Variants in PLCB3 observed in about 807,000 individuals in gnomAD.
PLCB3 encodes phospholipase C beta 3.
In PLCB3, 54 loss-of-function variants were observed where a neutral mutation model predicts 152.1. The observed-to-expected ratio is 0.36, with a 90% CI of 0.29 to 0.45. PLCB3 has a LOEUF of 0.45. Ranked by LOEUF, PLCB3 falls within the 20% of genes least tolerant of loss-of-function variation. PLCB3 has a pLI of 1.00. For synonymous variants in PLCB3, 717 were observed against 698.7 expected (o/e 1.03, Z -0.41); for missense variants, 1,248 against 1,687.5 (o/e 0.74, Z 4.56).
rs749711076 is a variant in PLCB3 at position 64,265,512 on chromosome 11, T to G, written c.3035+10T>G. 32 of 1,590,158 alleles carry G rather than the reference T, an allele frequency of 2.0e-5. No individual in the cohort carries two copies. Among genetic ancestry groups the G allele is most frequent in the Non-Finnish European group, 8.5e-7 (1 of 1,173,482 alleles). The stretch of plus-strand genomic sequence containing the variant: ...TGCGGCCAGGTGCCCTGTGAGTGTC[T>G]GGGCCGCCTGTGTGCTATGTGTGCT... On this transcript the variant is annotated intron_variant, in intron 25 of 30. Transcript: ENST00000279230.
chr11:64,261,177 C>A (rs958221643), intron 14 of PLCB3, among the ~76,000 whole-genome samples: 2 of 151,960 alleles, frequency 1.3e-5, no homozygotes, highest in Non-Finnish European at 2.9e-5. Flanking sequence ...AGGTGGCGGG[C>A]GCCTGTAATC....
intron 17 of PLCB3, among the ~76,000 whole-genome samples, 163 bp from the exon 18 acceptor site, chr11:64,262,244 C>T (rs940290471): frequency 5.9e-5 from 9 of 152,184 alleles, no homozygotes; most frequent in African/African-American, 1.9e-4. Context: ...TGATACCAGA[C>T]CCCTCCCCTG....
At chr11:64,263,325 G>C in intron 19 of PLCB3, 173 bp from the exon 20 acceptor site, 1 of 591,576 alleles carries the variant, frequency 1.7e-6, no homozygotes, top group East Asian at 2.8e-5. Flanking sequence ...CATTAGGCCA[G>C]GACATGGAAG....
rs1413282858 is a variant in PLCB3 at position 64,266,646 on chromosome 11, A to G, written c.3414+94A>G. 4.0e-6 allele frequency: 5 copies of G among 1,246,460 alleles called. No homozygotes were observed. Among genetic ancestry groups the G allele is most frequent in the Non-Finnish European group, 4.7e-6 (4 of 851,908 alleles). 77.2% of individuals were successfully genotyped at this position (1,246,460 alleles called of 1,614,324 possible). On this transcript the variant is annotated intron_variant, in intron 29 of 30. Coordinates refer to ENST00000279230, the MANE Select transcript of PLCB3 (RefSeq NM_000932.5). This position sits in a 1 kb window ranked among gnomAD's most constrained non-coding sequence, Gnocchi z 4.9. ...CCTGGCCTGGTGCCACGTTGCCCTCAAGGTTCTTCTAGGGCCTTTCTCAAG... is the reference window on the plus strand; with the variant it reads ...CCTGGCCTGGTGCCACGTTGCCCTCGAGGTTCTTCTAGGGCCTTTCTCAAG...
intron 16 of PLCB3, 39 bp from the exon 17 acceptor site, chr11:64,261,913 G>A: frequency 6.2e-7 from 1 of 1,612,390 alleles, no homozygotes; most frequent in East Asian, 2.2e-5. Context: ...TGATGGGGTG[G>A]GCCCTGGCAC....
intron 21 of PLCB3, 83 bp from the exon 22 acceptor site, chr11:64,263,938 A>T (rs2135062321): frequency 8.2e-7 from 1 of 1,222,342 alleles, no homozygotes; most frequent in Non-Finnish European, 1.2e-6. Context: ...AAGCTCTGGA[A>T]TTCCTCATTG....
In PLCB3 at chr11:64,258,881, G is replaced by C. The variant is rs781151620; in HGVS notation, c.1254-4G>C. On this transcript the variant is annotated splice_region_variant and splice_polypyrimidine_tract_variant and intron_variant, in intron 11 of 30. Coordinates refer to ENST00000279230, the MANE Select transcript of PLCB3 (RefSeq NM_000932.5). The surrounding 1 kb of genome is among the most constrained non-coding windows in gnomAD (Gnocchi z 7.2). ...ATCTCTGACCTCTGACCTCGGTTCCGCAGGGCAAAGCAACAGGCAAAGATG... is the reference window on the plus strand; with the variant it reads ...ATCTCTGACCTCTGACCTCGGTTCCCCAGGGCAAAGCAACAGGCAAAGATG... 1.2e-6 allele frequency: 2 copies of C among 1,613,750 alleles called. No individual in the cohort carries two copies. Among genetic ancestry groups the C allele is most frequent in the Non-Finnish European group, 1.7e-6 (2 of 1,179,854 alleles).
At chr11:64,254,098 G>T (rs2031382903) in intron 1 of PLCB3, among the ~76,000 whole-genome samples, 1 of 152,170 alleles carries the variant, frequency 6.6e-6, no homozygotes, top group Non-Finnish European at 1.5e-5. Context: ...AGATTTCACG[G>T]GTGGAGAAGG....
chr11:64,263,138 C>T lies in PLCB3; in HGVS notation c.2355+330C>T, dbSNP rs535343706. Among the ~76,000 whole-genome samples, 431 of 152,342 alleles carry T rather than the reference C, an allele frequency of 2.8e-3. 2 individuals carry two copies. The highest frequency in any genetic ancestry group is 4.1e-3 in the Non-Finnish European group (280 of 68,030). The stretch of plus-strand genomic sequence containing the variant: ...AGCTCATATCCGCTCTTCAGCACCC[C>T]GCACGGCCCTGCATGGACGCGGCCT... On this transcript the variant is annotated intron_variant, in intron 19 of 30. Transcript: ENST00000279230.
chr11:64,262,012 C>T lies in PLCB3; in HGVS notation c.1974C>T (p.Asn658=). ...YPKGTRVDSS[N]YMPQLFWNVG... is the part of the protein sequence containing the mutation. ...AGGGCACCCGCGTGGACTCCTCCAA[C>T]TACATGCCCCAGCTCTTCTGGAACG... is the stretch of plus-strand genomic sequence containing the variant. The change falls in exon 17 of 31, where the codon AAC becomes AAT. Residue 658 remains asparagine (N), a synonymous_variant. Transcript: ENST00000279230. The T allele has an allele frequency of 2.5e-6, 4 of 1,614,216 alleles. No homozygotes were observed. Among genetic ancestry groups the T allele is most frequent in the Non-Finnish European group, 3.4e-6 (4 of 1,180,016 alleles).
chr11:64,255,384 C>A lies in PLCB3; in HGVS notation c.468-12C>A. 2 of 1,614,134 alleles carry A rather than the reference C, an allele frequency of 1.2e-6. No homozygotes were observed. Among genetic ancestry groups the A allele is most frequent in the Non-Finnish European group, 1.7e-6 (2 of 1,180,018 alleles). On this transcript the variant is annotated splice_polypyrimidine_tract_variant and intron_variant, in intron 5 of 30. Coordinates refer to ENST00000279230, the MANE Select transcript of PLCB3 (RefSeq NM_000932.5). The surrounding 1 kb of genome is among the most constrained non-coding windows in gnomAD (Gnocchi z 6.8). ...CGTTTTCAGGGTGTGACCTCTTCAT[C>A]TGCCTTCCCAGATACACGAAGCTGA...
chr11:64,260,483 AGGGAG>A (rs2031792118), intron 14 of PLCB3, among the ~76,000 whole-genome samples: 1 of 152,062 alleles, frequency 6.6e-6, no homozygotes, highest in Non-Finnish European at 1.5e-5. Context: ...TACCCTGGGC[AGGGAG>A]GTGGGGCAGG....
At position 64,251,747 on chromosome 11, in the gene PLCB3, A is replaced by C; in HGVS notation, c.98A>C (p.Glu33Ala). The C allele has an allele frequency of 1.4e-6, 2 of 1,448,886 alleles. No homozygotes were observed. The highest frequency in any genetic ancestry group is 1.8e-6 in the Non-Finnish European group (2 of 1,091,720). 89.8% of individuals were successfully genotyped at this position (1,448,886 alleles called of 1,614,324 possible). The part of the protein sequence containing the change: ...RRGSKFIKWD[E>A]ETSSRNLVTL... The stretch of plus-strand genomic sequence containing the variant: ...GGGAGTAAGTTCATCAAATGGGACG[A>C]GGTAAGCGCGCGGGCCCCTGCTCCG... Residue 33 changes from glutamate (E) to alanine (A), a missense_variant and splice_region_variant, in exon 1 of 31, where the codon GAG becomes GCG. This residue lies in a region of PLCB3 where 299 missense variants were observed against 434.7 expected (regional missense o/e 0.69). Coordinates refer to ENST00000279230, the MANE Select transcript of PLCB3 (RefSeq NM_000932.5).
downstream of PLCB3, among the ~76,000 whole-genome samples, chr11:64,268,115 C>G (rs1031350552): frequency 2.6e-5 from 4 of 152,160 alleles, no homozygotes; most frequent in African/African-American, 9.7e-5. Flanking sequence ...GCCCCCAAGC[C>G]GCTGTTCCTG....
chr11:64,265,636 A>G lies in PLCB3; in HGVS notation c.3035+134A>G, dbSNP rs552888422. The G allele has an allele frequency of 5.0e-6, 7 of 1,406,368 alleles. No homozygotes were observed. In the South Asian group the frequency reaches 7.3e-5, roughly 15 times the overall value. The allele number at this position is 1,406,368 out of a possible 1,614,324, so 87.1% of individuals were successfully genotyped here. On this transcript the variant is annotated intron_variant, in intron 25 of 30. Coordinates refer to ENST00000279230, the MANE Select transcript of PLCB3 (RefSeq NM_000932.5). ...GGAGGGTTCAGTGCAAGGATGGAGG[A>G]GGCTTTCCACACCAGGCGTCCCTGT...
At chr11:64,261,699 A>G (rs1327196578) in intron 16 of PLCB3, 34 bp downstream of exon 16, 2 of 1,549,090 alleles carry the variant, frequency 1.3e-6, no homozygotes, top group South Asian at 2.2e-5. Context: ...CGGGCAGGCC[A>G]GGGTGGGGCG....
chr11:64,255,387 C>T lies in PLCB3; in HGVS notation c.468-9C>T. ...TTTCAGGGTGTGACCTCTTCATCTG[C>T]CTTCCCAGATACACGAAGCTGAAGC... is the stretch of plus-strand genomic sequence containing the variant. On this transcript the variant is annotated splice_polypyrimidine_tract_variant and intron_variant, in intron 5 of 30. Transcript: ENST00000279230. This position sits in a 1 kb window ranked among gnomAD's most constrained non-coding sequence, Gnocchi z 6.8. The T allele has an allele frequency of 4.3e-6, 7 of 1,614,092 alleles. No individual in the cohort carries two copies. The highest frequency in any genetic ancestry group is 5.9e-6 in the Non-Finnish European group (7 of 1,179,982).
Position 64,262,827 on chromosome 11 carries a change from C to T in PLCB3, c.2355+19C>T, listed in dbSNP as rs1355468011. ...CCCCAAGGTGAGCCTGGCCCCTGCA[C>T]CCGCCCAGGCACAGGCAGATCCAGC... is the stretch of plus-strand genomic sequence containing the variant. On this transcript the variant is annotated intron_variant, in intron 19 of 30. Coordinates refer to ENST00000279230, the MANE Select transcript of PLCB3 (RefSeq NM_000932.5). 6.2e-7 allele frequency: 1 copy of T among 1,609,288 alleles called. No homozygotes were observed. The highest frequency in any genetic ancestry group is 8.5e-7 in the Non-Finnish European group (1 of 1,178,178).
In PLCB3 at chr11:64,255,573, G is replaced by T. The variant is rs2031479493; in HGVS notation, c.554G>T (p.Arg185Leu). Residue 185 changes from arginine to leucine, a missense_variant, in exon 7 of 31, where the codon CGG becomes CTG. Physicochemically the swap from Arg to Leu is moderately radical, Grantham distance 102. Transcript: ENST00000279230. This position sits in a 1 kb window ranked among gnomAD's most constrained non-coding sequence, Gnocchi z 6.8. ...AAGATGTTCTCAGCAGACAAGAAGC[G>T]GGTGGAGACTGCGCTGGAATCCTGT... ...ILKMFSADKK[R>L]VETALESCGL... 6.2e-7 allele frequency: 1 copy of T among 1,613,934 alleles called. No homozygotes were observed. Among genetic ancestry groups the T allele is most frequent in the Non-Finnish European group, 8.5e-7 (1 of 1,179,980 alleles).
Sources: allele counts gnomAD v4.1 joint callset (sites outside exome capture counted in the v4.1 genomes callset), GRCh38; gene constraint gnomAD v4.1.1; regional missense constraint gnomAD v4.1.1; non-coding constraint Gnocchi (gnomAD v3.1); transcripts MANE v1.5; gene names NCBI Gene and HGNC (gene_info 2026-07-23, HGNC 2026-07-21).